ABTB3: variants seen among roughly 807,000 people sequenced by gnomAD.
The protein encoded by ABTB3 is ankyrin repeat- and BTB/POZ domain-containing protein 3.
the ABTB3 span, among the ~76,000 whole-genome samples, chr12:107,606,595 T>C: frequency 5.3e-5 from 8 of 152,186 alleles, no homozygotes; most frequent in Non-Finnish European, 1.0e-4. Context: ...AAATGCATAT[T>C]TGATTGAATC....
At chr12:107,386,537 G>A in the ABTB3 span, among the ~76,000 whole-genome samples, 1 of 152,222 alleles carries the variant, frequency 6.6e-6, no homozygotes, top group Admixed American at 6.5e-5. Context: ...TTTATTACCA[G>A]TGGGATAATG....
the ABTB3 span, among the ~76,000 whole-genome samples, chr12:107,469,336 C>G: frequency 6.6e-6 from 1 of 152,332 alleles, no homozygotes; most frequent in Admixed American, 6.5e-5. Flanking sequence ...CCAATAGAGG[C>G]GTGAATGCAG....
At chr12:107,382,707 C>T in the ABTB3 span, among the ~76,000 whole-genome samples, 4 of 151,012 alleles carry the variant, frequency 2.6e-5, no homozygotes, top group Non-Finnish European at 4.4e-5. Context: ...GGGAGTTGAA[C>T]AATGAGAACA....
At chr12:107,361,177 G>GT in the ABTB3 span, among the ~76,000 whole-genome samples, 1 of 152,028 alleles carries the variant, frequency 6.6e-6, no homozygotes, top group Admixed American at 6.6e-5. Context: ...ATTCACATAA[G>GT]TGATGAAAGG....
chr12:107,497,255 TCAC>T, the ABTB3 span, among the ~76,000 whole-genome samples: 2 of 134,108 alleles, frequency 1.5e-5, no homozygotes, highest in Non-Finnish European at 3.4e-5. Context: ...ATCACTATCA[TCAC>T]CACCACCATC....
the ABTB3 span, among the ~76,000 whole-genome samples, chr12:107,337,388 C>A: frequency 6.6e-6 from 1 of 152,198 alleles, no homozygotes; most frequent in Non-Finnish European, 1.5e-5. Flanking sequence ...CTCTACGATG[C>A]CATGCTGCCC....
At chr12:107,454,282 C>T in the ABTB3 span, among the ~76,000 whole-genome samples, 14 of 152,130 alleles carry the variant, frequency 9.2e-5, no homozygotes, top group African/African-American at 1.9e-4. Context: ...GGGCCCAGTG[C>T]GAAATGAGAA....
the ABTB3 span, among the ~76,000 whole-genome samples, chr12:107,513,785 T>C: frequency 2.6e-5 from 4 of 152,184 alleles, no homozygotes; most frequent in Non-Finnish European, 5.9e-5. Context: ...AGTAGGCACA[T>C]TGGGAGGCAG....
the ABTB3 span, among the ~76,000 whole-genome samples, chr12:107,570,632 AT>A: frequency 2.0e-5 from 3 of 151,842 alleles, no homozygotes; most frequent in African/African-American, 7.3e-5. Flanking sequence ...TTGGATGTCA[AT>A]CCATTCTTGA....
the ABTB3 span, among the ~76,000 whole-genome samples, chr12:107,586,075 G>A: frequency 6.6e-6 from 1 of 152,214 alleles, no homozygotes; most frequent in East Asian, 1.9e-4. Context: ...AAAACAGGGT[G>A]TAGGGGTAGA....
chr12:107,538,530 T>A, the ABTB3 span, among the ~76,000 whole-genome samples: 4 of 152,188 alleles, frequency 2.6e-5, no homozygotes, highest in Non-Finnish European at 4.4e-5. Flanking sequence ...GGAGCAGCTC[T>A]TTGAGCTCTG....
chr12:107,500,609 C>A, the ABTB3 span, among the ~76,000 whole-genome samples: 1 of 152,192 alleles, frequency 6.6e-6, no homozygotes, highest in East Asian at 1.9e-4. Context: ...TGCCTTCTAC[C>A]AGAGTTTCCT....
chr12:107,614,347 G>T, the ABTB3 span, among the ~76,000 whole-genome samples: 1 of 152,098 alleles, frequency 6.6e-6, no homozygotes, highest in Non-Finnish European at 1.5e-5. Context: ...GTGCAAGAGG[G>T]TCCTTGTCAA....
At chr12:107,386,890 AGT>A in the ABTB3 span, among the ~76,000 whole-genome samples, 11,874 of 142,798 alleles carry the variant, frequency 0.083, 466 homozygotes, top group Admixed American at 0.13. Flanking sequence ...GGAAATGGAA[AGT>A]GTGTGTGTGT....
chr12:107,600,341 T>G, the ABTB3 span, among the ~76,000 whole-genome samples: 3 of 152,232 alleles, frequency 2.0e-5, no homozygotes, highest in Non-Finnish European at 4.4e-5. Context: ...AAGATTTAAG[T>G]GAGCTATTAT....
chr12:107,649,603 G>T, the ABTB3 span: 1 of 339,154 alleles, frequency 2.9e-6, no homozygotes, highest in Non-Finnish European at 5.6e-6. Context: ...AAAAGTCTGA[G>T]GCTACAGCTG....
At chr12:107,644,265 C>T in the ABTB3 span, among the ~76,000 whole-genome samples, 1 of 152,194 alleles carries the variant, frequency 6.6e-6, no homozygotes, top group Non-Finnish European at 1.5e-5. Flanking sequence ...ATCTTGAGCA[C>T]TGTGTGTAAG....
the ABTB3 span, among the ~76,000 whole-genome samples, chr12:107,475,233 C>T: frequency 6.6e-6 from 1 of 152,326 alleles, no homozygotes; most frequent in South Asian, 2.1e-4. Flanking sequence ...GCAGTCTTTG[C>T]ATGCTCATGG....
At chr12:107,542,070 G>A in the ABTB3 span, among the ~76,000 whole-genome samples, 1 of 152,118 alleles carries the variant, frequency 6.6e-6, no homozygotes, top group Non-Finnish European at 1.5e-5. Context: ...AGTACTTTGG[G>A]AGGCCAAGGC....
Sources: allele counts gnomAD v4.1 joint callset (sites outside exome capture counted in the v4.1 genomes callset), GRCh38; gene constraint gnomAD v4.1.1; transcripts MANE v1.5; gene names NCBI Gene and HGNC (gene_info 2026-07-23, HGNC 2026-07-21).